Variants in PMS1 observed in about 807,000 individuals in gnomAD.
The protein encoded by PMS1 is PMS1 protein homolog 1.
Under a neutral mutation model 93.1 loss-of-function variants are expected in PMS1, and 79 were observed. The observed-to-expected ratio is 0.85, with a 90% CI of 0.71 to 1.02. The LOEUF (loss-of-function observed/expected upper bound fraction) is 1.02, where lower values mean the gene tolerates loss of function less well. Ranked by LOEUF, PMS1 falls within the 50% of genes least tolerant of loss-of-function variation. The probability of loss-of-function intolerance (pLI) is 0.00; values close to 1 mark genes in which losing one functional copy is unlikely to be tolerated. For synonymous variants in PMS1, 335 were observed against 363.4 expected, an observed-to-expected ratio of 0.92 and a Z score of 0.89; for missense variants, 1,064 against 1,085.3, an observed-to-expected ratio of 0.98 and a Z score of 0.28.
At chr2:189,825,010 C>T (rs930044035) in intron 5 of PMS1, among the ~76,000 whole-genome samples, 13 of 151,862 alleles carry the variant, frequency 8.6e-5, no homozygotes, top group African/African-American at 1.2e-4. Context: ...TTAAACCTGA[C>T]GATATTGTTG....
chr2:189,819,759 G>A (rs1454248817), intron 5 of PMS1, among the ~76,000 whole-genome samples: 1 of 151,994 alleles, frequency 6.6e-6, no homozygotes, highest in Non-Finnish European at 1.5e-5. Context: ...TATACCTTCT[G>A]GATGTTATCT....
intron 3 of PMS1, among the ~76,000 whole-genome samples, chr2:189,804,715 G>A (rs1160257105): frequency 6.6e-6 from 1 of 152,092 alleles, no homozygotes; most frequent in Non-Finnish European, 1.5e-5. Flanking sequence ...TTCCAACAGT[G>A]GGGTTGGATT....
intron 6 of PMS1, among the ~76,000 whole-genome samples, chr2:189,845,554 C>G (rs982347712): frequency 6.6e-6 from 1 of 151,702 alleles, no homozygotes; most frequent in Non-Finnish European, 1.5e-5. Flanking sequence ...GTTGGTAATC[C>G]AGTTCATTAC....
intron 3 of PMS1, among the ~76,000 whole-genome samples, chr2:189,797,826 T>A (rs2049495940): frequency 6.6e-6 from 1 of 152,180 alleles, no homozygotes; most frequent in South Asian, 2.1e-4. Flanking sequence ...AGCCCTTCTG[T>A]TTTTGAAGTG....
intron 9 of PMS1, among the ~76,000 whole-genome samples, chr2:189,856,949 C>T (rs1343984867): frequency 2.0e-5 from 3 of 152,078 alleles, no homozygotes; most frequent in East Asian, 1.9e-4. Flanking sequence ...TGGAATCAAG[C>T]TTACTTTCTC....
rs1302997952 is a variant in PMS1 at position 189,847,828 on chromosome 2, T to G, written c.699+3748T>G. 2.0e-5 allele frequency among the ~76,000 whole-genome samples: 3 copies of G among 152,174 alleles called. No individual in the cohort carries two copies. The East Asian group carries it at 5.8e-4, about 29-fold the overall frequency. On this transcript the variant is annotated intron_variant, in intron 6 of 12. Coordinates refer to ENST00000441310, the MANE Select transcript of PMS1 (RefSeq NM_000534.5). ...TTCTTTTCTTCTCTTCCATTTTTTT[T>G]CATAATTTGTTGAAACCTCCTCTGC...
chr2:189,805,211 A>G (rs2050225813), intron 3 of PMS1, among the ~76,000 whole-genome samples: 1 of 152,144 alleles, frequency 6.6e-6, no homozygotes, highest in African/African-American at 2.4e-5. Flanking sequence ...CTTGAAATAC[A>G]GAAGTGCAGT....
At chr2:189,872,592 A>C (rs1424909614) in intron 11 of PMS1, among the ~76,000 whole-genome samples, 1 of 152,166 alleles carries the variant, frequency 6.6e-6, no homozygotes, top group Admixed American at 6.5e-5. Context: ...TTATGTACCC[A>C]GTTATACATC....
chr2:189,864,268 TTATAA>T, intron 10 of PMS1, 40 bp downstream of exon 10: 1 of 1,326,194 alleles, frequency 7.5e-7, no homozygotes, highest in African/African-American at 1.5e-5. Flanking sequence ...AAAATATTTA[TTATAA>T]TAGTTCATAC....
Position 189,795,857 on chromosome 2 carries a change from A to G in PMS1, c.221A>G (p.Tyr74Cys). ...VDAPVMAMKY[Y>C]TSKINSHEDL... Reference sequence around the variant, plus strand: ...GCACCTGTAATGGCAATGAAGTACTACACCTCAAAAATAAATAGTCATGAA... The same window carrying G: ...GCACCTGTAATGGCAATGAAGTACTGCACCTCAAAAATAAATAGTCATGAA... The change falls in exon 3 of 13, where the codon TAC (tyrosine) becomes TGC (cysteine). Residue 74 changes from tyrosine (Y) to cysteine (C), a missense_variant. By Grantham distance (194) the Tyr-to-Cys change is radical. Coordinates refer to ENST00000441310, the MANE Select transcript of PMS1 (RefSeq NM_000534.5). 2.5e-6 allele frequency: 4 copies of G among 1,612,844 alleles called. No individual in the cohort carries two copies. The highest frequency in any genetic ancestry group is 3.4e-6 in the Non-Finnish European group (4 of 1,178,822).
intron 3 of PMS1, among the ~76,000 whole-genome samples, chr2:189,798,187 T>C (rs896113732): frequency 1.3e-5 from 2 of 152,230 alleles, no homozygotes; most frequent in East Asian, 3.8e-4. Flanking sequence ...TTCTACTGAA[T>C]GCATATCACT....
chr2:189,798,278 T>C (rs2049540577), intron 3 of PMS1, among the ~76,000 whole-genome samples: 1 of 152,222 alleles, frequency 6.6e-6, no homozygotes, highest in Non-Finnish European at 1.5e-5. Context: ...TTTTTACTTT[T>C]GGGCTTTTCT....
At chr2:189,808,234 G>A (rs1575091295) in intron 4 of PMS1, among the ~76,000 whole-genome samples, 1 of 152,060 alleles carries the variant, frequency 6.6e-6, no homozygotes, top group Non-Finnish European at 1.5e-5. Context: ...AATGATACCT[G>A]TGGGTGGCAT....
chr2:189,822,166 T>C (rs1422637218), intron 5 of PMS1, among the ~76,000 whole-genome samples: 1 of 151,948 alleles, frequency 6.6e-6, no homozygotes, highest in Non-Finnish European at 1.5e-5. Context: ...GCGCGGGCAG[T>C]GGAGGAGGAG....
chr2:189,854,370 A>G lies in PMS1; in HGVS notation c.1098A>G (p.Thr366=), dbSNP rs2055099444. The part of the protein sequence containing the change: ...ADIVLSKTAE[T]DVLFNKVESS... ...TCGTTCTTAGTAAAACAGCAGAAAC[A>G]GATGTGCTTTTTAATAAAGTGGAAT... The change falls in exon 9 of 13, where the codon ACA becomes ACG. Residue 366 remains threonine (T), a synonymous_variant. Transcript: ENST00000441310. 1.2e-6 allele frequency: 2 copies of G among 1,602,756 alleles called. No homozygotes were observed. The highest frequency in any genetic ancestry group is 1.7e-6 in the Non-Finnish European group (2 of 1,173,688).
At chr2:189,838,137 G>A (rs2053541876) in intron 5 of PMS1, among the ~76,000 whole-genome samples, 1 of 152,096 alleles carries the variant, frequency 6.6e-6, no homozygotes, top group East Asian at 1.9e-4. Context: ...ATCTAAAGTG[G>A]GTGAATTGTA....
intron 9 of PMS1, chr2:189,857,389 T>C: frequency 2.3e-6 from 1 of 440,468 alleles, no homozygotes; most frequent in South Asian, 1.7e-5. Flanking sequence ...TCTAGTTGCA[T>C]CATGATTAGT....
chr2:189,863,738 C>T lies in PMS1; in HGVS notation c.1857-5C>T. 6.4e-7 allele frequency: 1 copy of T among 1,569,100 alleles called. No individual in the cohort carries two copies. Among genetic ancestry groups the T allele is most frequent in the Non-Finnish European group, 8.8e-7 (1 of 1,139,804 alleles). On this transcript the variant is annotated splice_region_variant and splice_polypyrimidine_tract_variant and intron_variant, in intron 9 of 12. Transcript: ENST00000441310. ...TCATTAGTTCTATTTTATTTCTATT[C>T]TTAGATATGAAGAGAAGGCTACTAA... is the stretch of plus-strand genomic sequence containing the variant.
At chr2:189,858,246 A>G (rs186638967) in intron 9 of PMS1, among the ~76,000 whole-genome samples, 1 of 152,164 alleles carries the variant, frequency 6.6e-6, no homozygotes, top group East Asian at 1.9e-4. Flanking sequence ...GATTTGGGCC[A>G]TGTGCCCTAC....
Sources: gnomAD v4.1 joint callset for allele counts (sites outside exome capture counted in the v4.1 genomes callset) on GRCh38, gnomAD v4.1.1 for gene constraint, MANE v1.5 for transcripts, NCBI Gene and HGNC (gene_info 2026-07-23, HGNC 2026-07-21) for gene names.